Variants in RIPOR3 observed in about 807,000 individuals in gnomAD.
The protein encoded by RIPOR3 is family with sequence similarity 65 member C.
In RIPOR3, 95 loss-of-function variants were observed where a neutral mutation model predicts 114.3. That is an observed-to-expected ratio of 0.83 (90% CI 0.70 to 0.99). RIPOR3 has a LOEUF of 0.99. Among genes scored for constraint, RIPOR3 ranks in the 50% least tolerant of loss-of-function variants. RIPOR3 has a pLI of 0.00. For synonymous variants in RIPOR3, 575 were observed against 543.8 expected (o/e 1.06, Z -0.80); for missense variants, 1,252 against 1,266.9 (o/e 0.99, Z 0.18).
chr20:50,588,781 CACAA>C (rs1414790265), intron 20 of RIPOR3, among the ~76,000 whole-genome samples: 2 of 149,036 alleles, frequency 1.3e-5, no homozygotes, highest in East Asian at 2.0e-4. Context: ...AAAAAAACAC[CACAA>C]ATAAAGAATT....
At chr20:50,597,388 C>T (rs2122928829) in intron 14 of RIPOR3, 192 bp downstream of exon 14, 2 of 773,682 alleles carry the variant, frequency 2.6e-6, no homozygotes, top group Non-Finnish European at 2.0e-6. Flanking sequence ...ACTTCGTGGT[C>T]TCTGAGGACC....
intron 2 of RIPOR3, among the ~76,000 whole-genome samples, chr20:50,629,531 C>T (rs1279999145): frequency 1.3e-5 from 2 of 152,148 alleles, no homozygotes; most frequent in Non-Finnish European, 2.9e-5. Flanking sequence ...TACCTAAAGC[C>T]GGAGGAGACA....
chr20:50,646,901 C>T (rs2085418684), intron 1 of RIPOR3, among the ~76,000 whole-genome samples: 1 of 152,154 alleles, frequency 6.6e-6, no homozygotes, highest in South Asian at 2.1e-4. Flanking sequence ...AATGCATCTC[C>T]AATTTTGTAA....
At chr20:50,589,495 C>G (rs1043919276) in intron 20 of RIPOR3, among the ~76,000 whole-genome samples, 191 bp downstream of exon 20, 11 of 152,130 alleles carry the variant, frequency 7.2e-5, no homozygotes, top group Non-Finnish European at 1.6e-4. Context: ...GGAGTTTCGC[C>G]ATGTTGGCCA....
intron 7 of RIPOR3, 66 bp downstream of exon 7, chr20:50,609,507 G>T: frequency 6.9e-7 from 1 of 1,442,848 alleles, no homozygotes; most frequent in Non-Finnish European, 9.1e-7. Flanking sequence ...CCCAGCTCTC[G>T]ATGTCCCCAC....
At chr20:50,673,775 C>T (rs1221405464) in intron 1 of RIPOR3, among the ~76,000 whole-genome samples, 1 of 152,246 alleles carries the variant, frequency 6.6e-6, no homozygotes, top group East Asian at 1.9e-4. Flanking sequence ...ACAGCCTTGT[C>T]CTGCCAGGGC....
Position 50,608,500 on chromosome 20 carries a change from A to AGG in RIPOR3, c.844_845insCC (p.Val282AlafsTer5). The AGG allele has an allele frequency of 6.2e-7, 1 of 1,613,824 alleles. No individual in the cohort carries two copies. The highest frequency in any genetic ancestry group is 1.1e-5 in the South Asian group (1 of 91,072). The stretch of plus-strand genomic sequence containing the variant: ...GGCGATGTCACACGTCACTGCACCC[A>AGG]CAGCCAGCGAGCCCAGGCCCCGCAA... On this transcript the variant is annotated frameshift_variant, in exon 11 of 22. Transcript: ENST00000327979. LOFTEE classifies it high-confidence loss of function.
rs1199674565 is a variant in RIPOR3 at position 50,597,631 on chromosome 20, G to A, written c.1739C>T (p.Ala580Val). 7 of 1,611,970 alleles carry A rather than the reference G, an allele frequency of 4.3e-6. No individual in the cohort carries two copies. In the South Asian group the frequency reaches 7.7e-5, roughly 18 times the overall value. The change falls in exon 14 of 22, where the codon GCC becomes GTC. Residue 580 changes from alanine to valine, a missense_variant. Coordinates refer to ENST00000327979, the MANE Select transcript of RIPOR3 (RefSeq NM_001290268.2). ...CILESFAFLNADFALDELSLF... is the reference protein window; with the variant it reads ...CILESFAFLNVDFALDELSLF... ...GGACAGCTCATCCAGGGCGAAGTCG[G>A]CATTGAGGAAGGCGAAGCTCTCCAG...
intron 21 of RIPOR3, 60 bp from the exon 22 acceptor site, chr20:50,587,392 C>T: frequency 6.8e-7 from 1 of 1,465,158 alleles, no homozygotes. Context: ...TCCAACTCTC[C>T]TGGGCCAGGG....
At chr20:50,590,672 C>T in intron 19 of RIPOR3, among the ~76,000 whole-genome samples, 1 of 152,240 alleles carries the variant, frequency 6.6e-6, no homozygotes. Context: ...ACACTGCCCA[C>T]TGCCTCTAAC....
intron 19 of RIPOR3, 137 bp from the exon 20 acceptor site, chr20:50,589,906 G>A (rs1284196378): frequency 4.2e-5 from 30 of 714,030 alleles, no homozygotes; most frequent in Admixed American, 2.7e-4. Context: ...GGACACGATC[G>A]GTCCATCTTT....
At chr20:50,638,309 G>A (rs1362532790) in intron 1 of RIPOR3, among the ~76,000 whole-genome samples, 1 of 152,218 alleles carries the variant, frequency 6.6e-6, no homozygotes, top group Non-Finnish European at 1.5e-5. Flanking sequence ...GCAGGCAAAG[G>A]GACGCCTCCT....
chr20:50,592,974 TG>T, intron 18 of RIPOR3, 60 bp downstream of exon 18: 1 of 1,582,034 alleles, frequency 6.3e-7, no homozygotes. Flanking sequence ...CCTGAGAAAC[TG>T]CATGTGACAG....
At chr20:50,660,552 G>A (rs1405260667) in intron 1 of RIPOR3, among the ~76,000 whole-genome samples, 1 of 151,948 alleles carries the variant, frequency 6.6e-6, no homozygotes, top group Non-Finnish European at 1.5e-5. Flanking sequence ...CATTCATGAG[G>A]GATTCACCTC....
intron 1 of RIPOR3, among the ~76,000 whole-genome samples, chr20:50,641,812 G>A (rs1052740992): frequency 6.6e-6 from 1 of 152,236 alleles, no homozygotes; most frequent in Non-Finnish European, 1.5e-5. Context: ...TGGCCTGGCT[G>A]AGACAGAGCC....
chr20:50,686,187 G>T (rs1600782643), intron 1 of RIPOR3, among the ~76,000 whole-genome samples: 1 of 151,772 alleles, frequency 6.6e-6, no homozygotes, highest in African/African-American at 2.4e-5. Context: ...CTCCCGAGTG[G>T]CTGGGATTAC....
At chr20:50,634,274 G>A (rs2426185) in intron 1 of RIPOR3, among the ~76,000 whole-genome samples, 39,352 of 151,944 alleles carry the variant, frequency 0.26, 8,503 homozygotes, top group African/African-American at 0.6. Flanking sequence ...GAGCCACCGC[G>A]CCTGACCAGG....
chr20:50,688,961 C>T (rs900820606), intron 1 of RIPOR3, among the ~76,000 whole-genome samples: 6 of 152,104 alleles, frequency 3.9e-5, no homozygotes, highest in Admixed American at 1.3e-4. Context: ...TTAGCACAAA[C>T]GCTGAGCCAC....
At chr20:50,588,348 G>A (rs2082991756) in intron 20 of RIPOR3, among the ~76,000 whole-genome samples, 2 of 152,258 alleles carry the variant, frequency 1.3e-5, no homozygotes, top group Non-Finnish European at 2.9e-5. Context: ...GCCCTCGCTG[G>A]TTTTCTGATC....
Sources: gnomAD v4.1 joint callset for allele counts (sites outside exome capture counted in the v4.1 genomes callset) on GRCh38, gnomAD v4.1.1 for gene constraint, MANE v1.5 for transcripts, NCBI Gene and HGNC (gene_info 2026-07-23, HGNC 2026-07-21) for gene names.